The following ZNF333 variants were observed in gnomAD, a reference collection of about 807,000 sequenced individuals.
ZNF333 encodes zinc finger protein 333.
Under a neutral mutation model 76.1 loss-of-function variants are expected in ZNF333, and 61 were observed. That is an observed-to-expected ratio of 0.80 (90% CI 0.65 to 0.99). The LOEUF is 0.99. Among genes scored for constraint, ZNF333 ranks in the 50% least tolerant of loss-of-function variants. The probability of loss-of-function intolerance (pLI) is 0.00; values close to 1 mark genes in which losing one functional copy is unlikely to be tolerated. For synonymous variants in ZNF333, 284 were observed against 305.0 expected, an observed-to-expected ratio of 0.93 and a Z score of 0.72; for missense variants, 717 against 822.4, an observed-to-expected ratio of 0.87 and a Z score of 1.57.
At chr19:14,701,120 G>A (rs139797284) in intron 5 of ZNF333, among the ~76,000 whole-genome samples, 1 of 152,320 alleles carries the variant, frequency 6.6e-6, no homozygotes, top group East Asian at 1.9e-4. Context: ...TTGGGATCAG[G>A]TGCTTGGGTT....
rs1298277841 is a variant in ZNF333 at position 14,699,276 on chromosome 19, C to G, written c.301C>G (p.Gln101Glu). 4 of 1,613,578 alleles carry G rather than the reference C, an allele frequency of 2.5e-6. No homozygotes were observed. The highest frequency in any genetic ancestry group is 3.4e-6 in the Non-Finnish European group (4 of 1,179,662). ...LLEEASSRDM[Q>E]MGPGLFLRMQ... ...GGAAGAAGCATCCTCCAGGGACATG[C>G]AAATGGTAAGATGCACGGGGTTTTC... The change falls in exon 5 of 12, where the codon CAA (glutamine) becomes GAA (glutamate). Residue 101 changes from glutamine (Q) to glutamate (E), a missense_variant. By Grantham distance (29) the Gln-to-Glu change is conservative. Transcript: ENST00000292530.
At chr19:14,731,961 T>C (rs925327126) in exon 12 of ZNF333, 1 of 152,234 alleles carries the variant, frequency 6.6e-6, no homozygotes, top group Non-Finnish European at 1.5e-5. Context: ...GTTTCACTTC[T>C]GCCATGTCCT....
At chr19:14,694,438 A>G (rs1599683252) in intron 2 of ZNF333, among the ~76,000 whole-genome samples, 1 of 151,520 alleles carries the variant, frequency 6.6e-6, no homozygotes, top group Non-Finnish European at 1.5e-5. Flanking sequence ...GCGCCACTGC[A>G]CTCCAGCCTG....
At chr19:14,732,569 G>T (rs578201973) in exon 12 of ZNF333, 1 of 152,280 alleles carries the variant, frequency 6.6e-6, no homozygotes, top group South Asian at 2.1e-4. Context: ...TGGAAACTAT[G>T]GGCAGTGAGT....
chr19:14,713,332 A>G (rs771791570), intron 7 of ZNF333, among the ~76,000 whole-genome samples: 4 of 152,150 alleles, frequency 2.6e-5, no homozygotes, highest in Non-Finnish European at 4.4e-5. Flanking sequence ...CAAATCCTCT[A>G]TGGTTGGAAG....
chr19:14,693,898 T>C (rs1052267611), intron 2 of ZNF333, among the ~76,000 whole-genome samples: 9 of 150,472 alleles, frequency 6.0e-5, no homozygotes, highest in South Asian at 2.1e-4. Flanking sequence ...GAGGATAGCT[T>C]GAGCCCAGGA....
downstream of ZNF333, among the ~76,000 whole-genome samples, chr19:14,724,391 A>T (rs2042621283): frequency 6.6e-6 from 1 of 152,232 alleles, no homozygotes; most frequent in South Asian, 2.1e-4. Context: ...AACCTGGTCC[A>T]CAGTGGGTGA....
chr19:14,724,440 G>A (rs1031613922), downstream of ZNF333, among the ~76,000 whole-genome samples: 67 of 152,120 alleles, frequency 4.4e-4, 1 homozygote, highest in African/African-American at 1.6e-3. Flanking sequence ...GTCACACTTG[G>A]TTGATTTATT....
At chr19:14,728,865 G>T (rs1004688388) in intron 11 of ZNF333, among the ~76,000 whole-genome samples, 2 of 152,168 alleles carry the variant, frequency 1.3e-5, no homozygotes, top group African/African-American at 2.4e-5. Flanking sequence ...AGGCCAGGGG[G>T]GTTTTATATC....
intron 6 of ZNF333, 156 bp from the exon 7 acceptor site, chr19:14,706,530 T>C: frequency 1.5e-6 from 1 of 682,114 alleles, no homozygotes; most frequent in South Asian, 1.7e-5. Context: ...ATTTAAGGAT[T>C]GGGTAAATCC....
downstream of ZNF333, among the ~76,000 whole-genome samples, chr19:14,726,501 A>G (rs1354812787): frequency 2.0e-5 from 3 of 152,128 alleles, no homozygotes; most frequent in Admixed American, 6.6e-5. Flanking sequence ...GAATTTTCCA[A>G]GTTTTTATGC....
chr19:14,718,074 A>G (rs1177547737), intron 11 of ZNF333, among the ~76,000 whole-genome samples, 154 bp from the exon 12 acceptor site: 1 of 152,210 alleles, frequency 6.6e-6, no homozygotes, highest in African/African-American at 2.4e-5. Flanking sequence ...ACCCTATTCC[A>G]CTTGAAGGAA....
At chr19:14,724,554 T>A (rs1171744827), downstream of ZNF333, among the ~76,000 whole-genome samples, 2 of 152,110 alleles carry the variant, frequency 1.3e-5, no homozygotes, top group Non-Finnish European at 2.9e-5. Context: ...TCACCTGAGG[T>A]CAGGGGCTCG....
At chr19:14,728,981 G>T (rs1374508660) in intron 11 of ZNF333, among the ~76,000 whole-genome samples, 1 of 152,204 alleles carries the variant, frequency 6.6e-6, no homozygotes, top group Non-Finnish European at 1.5e-5. Flanking sequence ...AATAAAGAAG[G>T]GGGAAGGGGA....
Position 14,715,402 on chromosome 19 carries a change from G to T in ZNF333, c.532G>T (p.Ala178Ser). The part of the protein sequence containing the change: ...RDSAVPARDP[A>S]WLQEDKVEEE... The stretch of plus-strand genomic sequence containing the variant: ...CCTAGCTGTGCCTGCACGTGACCCT[G>T]CCTGGCTTCAGGAGGACAAAGTGGA... Residue 178 changes from alanine to serine, a missense_variant, in exon 8 of 12, where the codon GCC becomes TCC. By Grantham distance (99) the Ala-to-Ser change is moderately conservative. Transcript: ENST00000292530. The T allele has an allele frequency of 6.2e-7, 1 of 1,614,012 alleles. No individual in the cohort carries two copies.
At chr19:14,722,621 A>T (rs1325202554), downstream of ZNF333, among the ~76,000 whole-genome samples, 1 of 152,170 alleles carries the variant, frequency 6.6e-6, no homozygotes, top group South Asian at 2.1e-4. Context: ...GGTGTAGTCC[A>T]ACTTATAGAT....
chr19:14,728,626 A>G (rs1599766319), intron 11 of ZNF333, among the ~76,000 whole-genome samples: 1 of 152,202 alleles, frequency 6.6e-6, no homozygotes, highest in Non-Finnish European at 1.5e-5. Context: ...AGACCTGGGA[A>G]TGAGTGACCT....
intron 11 of ZNF333, among the ~76,000 whole-genome samples, chr19:14,729,158 A>T (rs2042652282): frequency 6.6e-6 from 1 of 152,112 alleles, no homozygotes; most frequent in Admixed American, 6.5e-5. Flanking sequence ...AGAGACAAGG[A>T]AGTTAACAGA....
chr19:14,723,342 G>C (rs1026962210), downstream of ZNF333, among the ~76,000 whole-genome samples: 1 of 152,132 alleles, frequency 6.6e-6, no homozygotes, highest in African/African-American at 2.4e-5. Context: ...AATAAATTTT[G>C]AAATAAGTGT....
Sources: allele counts gnomAD v4.1 joint callset (sites outside exome capture counted in the v4.1 genomes callset), GRCh38; gene constraint gnomAD v4.1.1; transcripts MANE v1.5; gene names NCBI Gene and HGNC (gene_info 2026-07-23, HGNC 2026-07-21).